Variants in ACACB observed in about 807,000 individuals in gnomAD.
The protein encoded by ACACB is acetyl-CoA carboxylase 2.
In ACACB, 209 loss-of-function variants were observed where a neutral mutation model predicts 278.8. The ratio of observed to expected loss-of-function variants is 0.75; its 90% CI spans 0.67 to 0.84. The LOEUF is 0.84. Among genes scored for constraint, ACACB ranks in the 40% least tolerant of loss-of-function variants. ACACB has a pLI of 0.00. For missense variants in ACACB, 2,850 were observed against 3,269.0 expected (o/e 0.87, Z 3.13); for synonymous variants, 1,174 against 1,285.6 (o/e 0.91, Z 1.86).
upstream of ACACB, among the ~76,000 whole-genome samples, chr12:109,112,738 C>T (rs2042334043): frequency 6.7e-6 from 1 of 149,334 alleles, no homozygotes; most frequent in Non-Finnish European, 1.5e-5. Flanking sequence ...TTGATGAACT[C>T]TTAGCTATGT....
chr12:109,216,969 C>T, intron 24 of ACACB, 49 bp downstream of exon 24: 1 of 1,588,312 alleles, frequency 6.3e-7, no homozygotes, highest in Non-Finnish European at 8.6e-7. Flanking sequence ...GTCAGGAGTC[C>T]ACAAACGTTT....
intron 22 of ACACB, among the ~76,000 whole-genome samples, chr12:109,214,258 C>A (rs2045931056): frequency 6.6e-6 from 1 of 152,016 alleles, no homozygotes; most frequent in African/African-American, 2.4e-5. Context: ...AAGACCTTGT[C>A]TTTTATGAAA....
chr12:109,259,969 A>C lies in ACACB; in HGVS notation c.6497-511A>C. ...GTAAAAGGGGGTTAAGAACAGGACC[A>C]ACCTCAGAGGGCCGAGGTAAGAGTC... On this transcript the variant is annotated intron_variant, in intron 47 of 52. Coordinates refer to ENST00000338432, the MANE Select transcript of ACACB (RefSeq NM_001093.4). The C allele has an allele frequency of 3.3e-6, 3 of 901,378 alleles. No individual in the cohort carries two copies. In the South Asian group the frequency reaches 4.1e-5, roughly 12 times the overall value. 55.8% of individuals were successfully genotyped at this position (901,378 alleles called of 1,614,324 possible).
intron 2 of ACACB, among the ~76,000 whole-genome samples, chr12:109,146,748 C>T (rs933527486): frequency 2.0e-5 from 3 of 152,156 alleles, no homozygotes; most frequent in Non-Finnish European, 4.4e-5. Context: ...GGTCATGGCT[C>T]ACTGCAGCTT....
rs377624412 is a variant in ACACB at position 109,256,170 on chromosome 12, T to A, written c.6197T>A (p.Phe2066Tyr). Reference sequence around the variant, plus strand: ...AAGGGAACGTGGCAGAGCGGATTCTTTGACCACGGCAGTTTCAAGGAAATC... The same window carrying A: ...AAGGGAACGTGGCAGAGCGGATTCTATGACCACGGCAGTTTCAAGGAAATC... Reference protein sequence around the residue: ...TLKGTWQSGFFDHGSFKEIMA... With the variant: ...TLKGTWQSGFYDHGSFKEIMA... The change falls in exon 45 of 53, where the codon TTT becomes TAT. Residue 2066 changes from phenylalanine (F) to tyrosine (Y), a missense_variant. Around this residue, in one of 3 missense-constraint regions of ACACB, gnomAD observed 579 missense variants for 684.6 expected, o/e 0.85. Transcript: ENST00000338432. 2.7e-5 allele frequency: 43 copies of A among 1,613,848 alleles called. No homozygotes were observed. The highest frequency in any genetic ancestry group is 3.6e-5 in the Non-Finnish European group (42 of 1,179,918).
intron 2 of ACACB, among the ~76,000 whole-genome samples, chr12:109,157,272 G>GTTA (rs71079530): frequency 0.011 from 1,580 of 143,028 alleles, 29 homozygotes; most frequent in African/African-American, 0.037. Flanking sequence ...TTCTAGAGTT[G>GTTA]TTATTATTAT....
At chr12:109,165,120 G>A (rs2043855963) in intron 2 of ACACB, among the ~76,000 whole-genome samples, 2 of 152,090 alleles carry the variant, frequency 1.3e-5, no homozygotes, top group Admixed American at 6.6e-5. Flanking sequence ...AACTACTGGA[G>A]GATATGCCCC....
At chr12:109,202,887 C>T (rs1445886799) in intron 19 of ACACB, among the ~76,000 whole-genome samples, 1 of 152,150 alleles carries the variant, frequency 6.6e-6, no homozygotes, top group Non-Finnish European at 1.5e-5. Flanking sequence ...AATTTACCAT[C>T]TTAGCCATTT....
Position 109,246,342 on chromosome 12 carries a change from T to C in ACACB, c.5465T>C (p.Ile1822Thr). The part of the protein sequence containing the change: ...RASEMARAEG[I>T]PKIYVAANSG... ...TCCGAGATGGCCCGGGCAGAGGGCA[T>C]TCCCAAAATTTACGTGGCAGCCAAC... Residue 1822 changes from isoleucine to threonine, a missense_variant, in exon 39 of 53, where the codon ATT becomes ACT. By Grantham distance (89) the Ile-to-Thr change is moderately conservative (BLOSUM62 -1). This residue lies in a region of ACACB where 2,265 missense variants were observed against 2,561.3 expected (regional missense o/e 0.88). Transcript: ENST00000338432. 6.2e-7 allele frequency: 1 copy of C among 1,612,306 alleles called. No homozygotes were observed. Among genetic ancestry groups the C allele is most frequent in the Non-Finnish European group, 8.5e-7 (1 of 1,179,742 alleles).
chr12:109,125,447 C>T (rs1425467193), intron 1 of ACACB: 2 of 152,266 alleles, frequency 1.3e-5, no homozygotes, highest in South Asian at 4.1e-4. Context: ...TGGACACTAA[C>T]GATGTCTGTG....
chr12:109,184,202 G>A (rs2044575989), intron 11 of ACACB, among the ~76,000 whole-genome samples: 1 of 151,900 alleles, frequency 6.6e-6, no homozygotes, highest in South Asian at 2.1e-4. Context: ...ATAGGTGCCT[G>A]CCACCACACC....
intron 28 of ACACB, among the ~76,000 whole-genome samples, chr12:109,229,045 C>T (rs1052893954): frequency 2.0e-5 from 3 of 151,910 alleles, no homozygotes; most frequent in African/African-American, 7.2e-5. Flanking sequence ...CAGATTCAAG[C>T]GATTCTCCTG....
rs140157645 is a variant in ACACB at position 109,264,283 on chromosome 12, A to G, written c.6839A>G (p.Lys2280Arg). 6.2e-7 allele frequency: 1 copy of G among 1,614,058 alleles called. No homozygotes were observed. Among genetic ancestry groups the G allele is most frequent in the African/African-American group, 1.3e-5 (1 of 74,930 alleles). Residue 2280 changes from lysine to arginine, a missense_variant, in exon 50 of 53, where the codon AAG becomes AGG. By Grantham distance (26) the Lys-to-Arg change is conservative (BLOSUM62 2). Around this residue, in one of 3 missense-constraint regions of ACACB, gnomAD observed 579 missense variants for 684.6 expected, o/e 0.85. Coordinates refer to ENST00000338432, the MANE Select transcript of ACACB (RefSeq NM_001093.4). ...KDRKDLEGRL[K>R]AREDLLLPIY... Reference sequence around the variant, plus strand: ...CGAAAGGACCTGGAGGGCCGGCTAAAGGCTCGCGAGGACCTGCTGCTCCCC... The same window carrying G: ...CGAAAGGACCTGGAGGGCCGGCTAAGGGCTCGCGAGGACCTGCTGCTCCCC...
chr12:109,207,011 C>T (rs566412111), intron 20 of ACACB, among the ~76,000 whole-genome samples, 155 bp downstream of exon 20: 3 of 152,288 alleles, frequency 2.0e-5, no homozygotes, highest in Middle Eastern at 3.4e-3. Context: ...GACAAGGTCT[C>T]ACTCTGTCAC....
chr12:109,259,991 A>G (rs2075261), intron 47 of ACACB: 913,350 of 1,138,272 alleles, frequency 0.8, 368,043 homozygotes, highest in Admixed American at 0.87. Flanking sequence ...CCGAGGTAAG[A>G]GTCTGATGAG....
chr12:109,225,193 G>A (rs1390267828), intron 27 of ACACB, among the ~76,000 whole-genome samples: 26 of 152,084 alleles, frequency 1.7e-4, no homozygotes, highest in South Asian at 2.1e-4. Context: ...AGGTCTTGCC[G>A]TGTTGACCAG....
chr12:109,264,879 T>C (rs1465972642), intron 50 of ACACB, among the ~76,000 whole-genome samples: 2 of 152,014 alleles, frequency 1.3e-5, no homozygotes, highest in Non-Finnish European at 2.9e-5. Flanking sequence ...GGGTGCCAGG[T>C]TTTTATGGGG....
chr12:109,176,289 C>T (rs1343431290), intron 9 of ACACB, 26 bp downstream of exon 9: 14 of 1,586,958 alleles, frequency 8.8e-6, no homozygotes, highest in Non-Finnish European at 1.2e-5. Context: ...TGTGTCTTTT[C>T]GCATCTGTCT....
At chr12:109,169,193 A>G (rs1159617042) in intron 4 of ACACB, among the ~76,000 whole-genome samples, 1 of 150,454 alleles carries the variant, frequency 6.6e-6, no homozygotes, top group East Asian at 2.0e-4. Context: ...TCAGGTCTTC[A>G]GGTCTTTTTG....
Sources: gnomAD v4.1 joint callset for allele counts (sites outside exome capture counted in the v4.1 genomes callset) on GRCh38, gnomAD v4.1.1 for gene constraint, gnomAD v4.1.1 regional missense constraint, MANE v1.5 for transcripts, NCBI Gene and HGNC (gene_info 2026-07-23, HGNC 2026-07-21) for gene names.